Variants in RYR3 observed in about 807,000 individuals in gnomAD.
RYR3 encodes brain ryanodine receptor-calcium release channel.
A neutral mutation model predicts 584.3 loss-of-function variants in RYR3; 207 were observed. The ratio of observed to expected loss-of-function variants is 0.35; its 90% CI spans 0.32 to 0.40. The LOEUF (loss-of-function observed/expected upper bound fraction) is 0.40, where lower values mean the gene tolerates loss of function less well. Ranked by LOEUF, RYR3 falls within the 10% of genes least tolerant of loss-of-function variation. RYR3 has a pLI of 1.00. For synonymous variants in RYR3, 2,416 were observed against 2,248.5 expected, an observed-to-expected ratio of 1.07 and a Z score of -2.11; for missense variants, 5,616 against 6,089.2, an observed-to-expected ratio of 0.92 and a Z score of 2.59.
intron 57 of RYR3, among the ~76,000 whole-genome samples, chr15:33,752,027 A>G (rs543947881): frequency 1.4e-4 from 21 of 152,114 alleles, no homozygotes; most frequent in Admixed American, 2.6e-4. Context: ...TTTGTCAAAG[A>G]TCAGATAGTT....
In RYR3 at chr15:33,726,463, T is replaced by C. The variant is rs1213005947; in HGVS notation, c.6990T>C (p.Val2330=). 5 of 1,607,660 alleles carry C rather than the reference T, an allele frequency of 3.1e-6. No homozygotes were observed. Among genetic ancestry groups the C allele is most frequent in the South Asian group, 1.1e-5 (1 of 89,494 alleles). The change falls in exon 46 of 104, where the codon GTT becomes GTC. Residue 2330 remains valine, a synonymous_variant. Transcript: ENST00000634891. The stretch of plus-strand genomic sequence containing the variant: ...CCCTGGTCCCCACAGAAGACCTGGT[T>C]GGGATCATCAGCATCCCCTTGAAAC... The part of the protein sequence containing the change: ...LRSLVPTEDL[V]GIISIPLKLP...
chr15:33,726,595 G>A, intron 46 of RYR3, 89 bp downstream of exon 46: 3 of 1,403,076 alleles, frequency 2.1e-6, no homozygotes, highest in Non-Finnish European at 2.8e-6. Context: ...GTGGCCCCCA[G>A]GCCCTGACTT....
rs2078135223 is a variant in RYR3, at chr15:33,837,814, A to C, written c.11834A>C (p.Gln3945Pro). 1.2e-6 allele frequency: 2 copies of C among 1,614,064 alleles called. No homozygotes were observed. The highest frequency in any genetic ancestry group is 1.7e-6 in the Non-Finnish European group (2 of 1,179,894). ...GKGIISKKEF[Q>P]KAMEGQKQYT... The stretch of plus-strand genomic sequence containing the variant: ...GGAATTATCTCCAAAAAAGAATTCC[A>C]GAAGGCCATGGAAGGGCAAAAACAG... The change falls in exon 89 of 104, where the codon CAG becomes CCG. Residue 3945 changes from glutamine (Q) to proline (P), a missense_variant. This residue lies in a region of RYR3 where 258 missense variants were observed against 297.3 expected (regional missense o/e 0.87). Transcript: ENST00000634891.
At chr15:33,434,910 C>T (rs1056485176) in intron 1 of RYR3, among the ~76,000 whole-genome samples, 1 of 152,118 alleles carries the variant, frequency 6.6e-6, no homozygotes, top group African/African-American at 2.4e-5. Flanking sequence ...CTCCACCTCC[C>T]GGGTTCATGC....
intron 1 of RYR3, among the ~76,000 whole-genome samples, chr15:33,336,443 AG>A (rs1357023938): frequency 0.15 from 1,949 of 13,004 alleles, 406 homozygotes; most frequent in African/African-American, 0.29. Context: ...AGAAAGAAAG[AG>A]AGAGAGAGAG....
At chr15:33,440,158 G>A (rs2046097763) in intron 1 of RYR3, among the ~76,000 whole-genome samples, 2 of 152,012 alleles carry the variant, frequency 1.3e-5, no homozygotes, top group Non-Finnish European at 2.9e-5. Context: ...ATAGCAGCAT[G>A]CACCTGTCGT....
chr15:33,696,620 T>C, intron 39 of RYR3, 129 bp downstream of exon 39: 1 of 998,226 alleles, frequency 1.0e-6, no homozygotes, highest in South Asian at 1.7e-5. Context: ...CCAATTTCAC[T>C]CCTCATGGAG....
At chr15:33,724,316 A>T (rs2068183689) in intron 45 of RYR3, 140 bp downstream of exon 45, 2 of 607,138 alleles carry the variant, frequency 3.3e-6, no homozygotes, top group Non-Finnish European at 5.8e-6. Context: ...TAGTTTCAAA[A>T]GTAGTTTCCA....
intron 80 of RYR3, among the ~76,000 whole-genome samples, chr15:33,821,841 T>G (rs187088570): frequency 1.4e-4 from 22 of 152,358 alleles, no homozygotes; most frequent in Non-Finnish European, 2.5e-4. Context: ...TAAAAACATT[T>G]AGTTTTTCAT....
intron 1 of RYR3, among the ~76,000 whole-genome samples, chr15:33,470,724 T>A (rs2048861126): frequency 6.6e-6 from 1 of 151,742 alleles, no homozygotes. Context: ...AACTGAAGAG[T>A]TTTTGCACGT....
At chr15:33,622,812 C>T (rs1338853761) in intron 19 of RYR3, among the ~76,000 whole-genome samples, 4 of 152,216 alleles carry the variant, frequency 2.6e-5, no homozygotes, top group African/African-American at 4.8e-5. Context: ...TTGCAGTTGA[C>T]TTGTGAAAGC....
chr15:33,865,740 C>T lies in RYR3; in HGVS notation c.*514C>T, dbSNP rs1044802069. On this transcript the variant is annotated 3_prime_UTR_variant, in exon 104 of 104. Transcript: ENST00000634891. ...AGCAGTTAAAGAAACAGAAAAAAAC[C>T]GACACTTTGTCGACACTGAAATATC... The T allele has an allele frequency of 2.0e-5, 3 of 153,364 alleles. No individual in the cohort carries two copies. Among genetic ancestry groups the T allele is most frequent in the Admixed American group, 1.3e-4 (2 of 15,398 alleles). 9.5% of individuals were successfully genotyped at this position (153,364 alleles called of 1,614,324 possible). A position where few individuals can be genotyped will look rare whatever the true frequency, so the allele number is the denominator to read the frequency against.
At chr15:33,844,730 C>CA in intron 92 of RYR3, 132 bp from the exon 93 acceptor site, 1 of 764,674 alleles carries the variant, frequency 1.3e-6, no homozygotes. Flanking sequence ...CTAAAAACCT[C>CA]ATTCATTCAG....
intron 43 of RYR3, among the ~76,000 whole-genome samples, chr15:33,718,082 C>G (rs2067634550): frequency 6.6e-6 from 1 of 152,190 alleles, no homozygotes. Context: ...GGCCATTACC[C>G]TGCCCCTGTG....
At chr15:33,864,540 G>A (rs1332659216) in intron 103 of RYR3, among the ~76,000 whole-genome samples, 1 of 151,154 alleles carries the variant, frequency 6.6e-6, no homozygotes. Flanking sequence ...TGAGAGACAG[G>A]CTAAGAAAGA....
At chr15:33,440,137 A>T (rs1219770330) in intron 1 of RYR3, among the ~76,000 whole-genome samples, 1 of 152,164 alleles carries the variant, frequency 6.6e-6, no homozygotes, top group Non-Finnish European at 1.5e-5. Flanking sequence ...AATTTTAAAA[A>T]TTAATGGGGC....
At chr15:33,319,862 G>A (rs370874963) in intron 1 of RYR3, among the ~76,000 whole-genome samples, 23 of 152,254 alleles carry the variant, frequency 1.5e-4, no homozygotes, top group African/African-American at 5.5e-4. Context: ...CCATACATTA[G>A]GAACTCCAGG....
At chr15:33,801,638 A>G (rs994105957) in intron 68 of RYR3, among the ~76,000 whole-genome samples, 1 of 152,112 alleles carries the variant, frequency 6.6e-6, no homozygotes, top group African/African-American at 2.4e-5. Flanking sequence ...TAAGATCTCT[A>G]TTTTAATGTT....
At chr15:33,405,385 C>A (rs770898243) in intron 1 of RYR3, among the ~76,000 whole-genome samples, 4 of 152,086 alleles carry the variant, frequency 2.6e-5, no homozygotes, top group African/African-American at 4.8e-5. Flanking sequence ...TTCCCTGTGC[C>A]TTTTCACTGA....
Sources: allele counts gnomAD v4.1 joint callset (sites outside exome capture counted in the v4.1 genomes callset), GRCh38; gene constraint gnomAD v4.1.1; regional missense constraint gnomAD v4.1.1; transcripts MANE v1.5; gene names NCBI Gene and HGNC (gene_info 2026-07-23, HGNC 2026-07-21).